CACNA1C: variants seen among roughly 807,000 people sequenced by gnomAD.
CACNA1C encodes calcium voltage-gated channel subunit alpha1 C.
CACNA1C carries 30 observed loss-of-function variants against 229.0 expected under a neutral mutation model. That is an observed-to-expected ratio of 0.13 (90% CI 0.10 to 0.18). The LOEUF (loss-of-function observed/expected upper bound fraction) is 0.18. Among genes scored for constraint, CACNA1C ranks in the 10% least tolerant of loss-of-function variants. The pLI is 1.00. For missense variants in CACNA1C, 1,658 were observed against 2,845.0 expected, an observed-to-expected ratio of 0.58 and a Z score of 9.49; for synonymous variants, 1,114 against 1,132.5, an observed-to-expected ratio of 0.98 and a Z score of 0.33.
chr12:2,210,475 G>A (rs1412810065), intron 3 of CACNA1C, among the ~76,000 whole-genome samples: 1 of 152,178 alleles, frequency 6.6e-6, no homozygotes, highest in African/African-American at 2.4e-5. Context: ...TCTTTCCTAG[G>A]AGGAAGCCTG....
intron 1 of CACNA1C, among the ~76,000 whole-genome samples, chr12:2,011,859 G>C (rs889722066): frequency 6.6e-6 from 1 of 152,214 alleles, no homozygotes; most frequent in Non-Finnish European, 1.5e-5. Context: ...CTTCCTGCCA[G>C]GGTGGATGGG....
At chr12:2,338,685 C>T (rs1012856441) in intron 3 of CACNA1C, among the ~76,000 whole-genome samples, 4 of 152,102 alleles carry the variant, frequency 2.6e-5, no homozygotes, top group African/African-American at 7.2e-5. Flanking sequence ...GAGCAGCGAG[C>T]GACCCGGTAT....
intron 3 of CACNA1C, among the ~76,000 whole-genome samples, chr12:2,158,630 T>A (rs1457688440): frequency 6.6e-6 from 1 of 152,210 alleles, no homozygotes; most frequent in Non-Finnish European, 1.5e-5. Flanking sequence ...GAAGGAGAAT[T>A]GCCCTCAAAG....
chr12:2,353,199 A>G (rs546179424), intron 3 of CACNA1C, among the ~76,000 whole-genome samples: 1 of 152,306 alleles, frequency 6.6e-6, no homozygotes, highest in South Asian at 2.1e-4. Flanking sequence ...AAGTGGCCTC[A>G]GGCTGAGTCT....
intron 9 of CACNA1C, among the ~76,000 whole-genome samples, chr12:2,545,927 C>T (rs1314795628): frequency 2.0e-5 from 3 of 152,278 alleles, no homozygotes; most frequent in African/African-American, 7.2e-5. Flanking sequence ...ACTTCCCGTT[C>T]CCCATGCAAT....
At chr12:2,460,900 T>C (rs2099496498) in intron 5 of CACNA1C, among the ~76,000 whole-genome samples, 1 of 152,212 alleles carries the variant, frequency 6.6e-6, no homozygotes, top group Non-Finnish European at 1.5e-5. Flanking sequence ...TGTGCAGCTT[T>C]TGAAACAGGG....
intron 3 of CACNA1C, chr12:2,221,491 G>A (rs1211623247): frequency 6.6e-6 from 1 of 152,252 alleles, no homozygotes; most frequent in African/African-American, 2.4e-5. Context: ...GTTGGGCAAG[G>A]AGGCCTCAAA....
At chr12:2,168,082 A>G (rs954722573) in intron 3 of CACNA1C, among the ~76,000 whole-genome samples, 17 of 152,140 alleles carry the variant, frequency 1.1e-4, no homozygotes, top group Non-Finnish European at 2.2e-4. Context: ...GTTTGTGTAC[A>G]TGTGTGCATG....
intron 3 of CACNA1C, among the ~76,000 whole-genome samples, chr12:2,163,372 G>T (rs1241305654): frequency 1.3e-5 from 2 of 152,138 alleles, no homozygotes; most frequent in African/African-American, 4.8e-5. Flanking sequence ...TGGGCACCAG[G>T]CCAGGTTCAT....
chr12:2,156,472 C>T (rs759894640), intron 3 of CACNA1C, among the ~76,000 whole-genome samples: 15 of 152,152 alleles, frequency 9.9e-5, no homozygotes, highest in African/African-American at 2.4e-5. Flanking sequence ...CATCACCCAC[C>T]GGTGTTTATT....
Position 2,004,532 on chromosome 12 carries a change from A to G in CACNA1C, c.139+33331A>G, listed in dbSNP as rs192147645. ...TCGCAACCGAGAACCCACGGCGACC[A>G]CACGGCCCGGGAGGCCTTCCGGCTC... is the stretch of plus-strand genomic sequence containing the variant. On this transcript the variant is annotated intron_variant, in intron 1 of 46. Coordinates refer to the CACNA1C transcript ENST00000682462. 618 of 1,493,992 alleles carry G rather than the reference A, an allele frequency of 4.1e-4. 5 individuals are homozygous for G. The African/African-American group carries it at 7.5e-3, about 18-fold the overall frequency. The allele number at this position is 1,493,992 out of a possible 1,614,324, so 92.5% of individuals were successfully genotyped here. A position where few individuals can be genotyped will look rare whatever the true frequency, so the allele number is the denominator to read the frequency against.
At chr12:2,050,794 C>T (rs757111656), upstream of CACNA1C, among the ~76,000 whole-genome samples, 3 of 152,172 alleles carry the variant, frequency 2.0e-5, no homozygotes, top group Non-Finnish European at 2.9e-5. Flanking sequence ...GCCAGAACCA[C>T]TGGACAAAGG....
At chr12:2,180,332 G>T (rs754701617) in intron 3 of CACNA1C, among the ~76,000 whole-genome samples, 1 of 152,242 alleles carries the variant, frequency 6.6e-6, no homozygotes, top group African/African-American at 2.4e-5. Flanking sequence ...TCTGGTTCTT[G>T]TTCCTCCCTG....
Position 2,677,948 on chromosome 12 carries a change from C to T in CACNA1C, c.5091+81C>T, listed in dbSNP as rs1298123641. 8 of 1,517,660 alleles carry T rather than the reference C, an allele frequency of 5.3e-6. No homozygotes were observed. The Admixed American group carries it at 6.8e-5, about 13-fold the overall frequency. The allele number at this position is 1,517,660 out of a possible 1,614,324, so 94.0% of individuals were successfully genotyped here. On this transcript the variant is annotated intron_variant, in intron 41 of 46. Coordinates refer to ENST00000399655, the MANE Select transcript of CACNA1C (RefSeq NM_000719.7). This position sits in a 1 kb window ranked among gnomAD's most constrained non-coding sequence, Gnocchi z 7.4. ...GGTTGGGCTGGGGTTTTGCGGGGAA[C>T]GTCCAGGGGAAGGAGCTGCACCAGA...
intron 3 of CACNA1C, among the ~76,000 whole-genome samples, chr12:2,209,034 G>A (rs1050980140): frequency 3.9e-5 from 6 of 152,154 alleles, no homozygotes; most frequent in East Asian, 1.9e-4. Context: ...GCAGAGCCCC[G>A]CGCCAGCTCT....
At chr12:2,143,707 A>G (rs922804675) in intron 3 of CACNA1C, among the ~76,000 whole-genome samples, 1 of 151,160 alleles carries the variant, frequency 6.6e-6, no homozygotes, top group Non-Finnish European at 1.5e-5. Flanking sequence ...CTCAGAATGT[A>G]TCCCTGTCAT....
intron 1 of CACNA1C, among the ~76,000 whole-genome samples, chr12:2,106,388 G>A (rs2078586216): frequency 1.5e-5 from 1 of 68,208 alleles, no homozygotes; most frequent in Non-Finnish European, 3.4e-5. Flanking sequence ...CCCCGGGGAG[G>A]GTTTCCACCT....
At chr12:2,018,719 C>T (rs1294839703) in intron 1 of CACNA1C, among the ~76,000 whole-genome samples, 1 of 152,182 alleles carries the variant, frequency 6.6e-6, no homozygotes, top group African/African-American at 2.4e-5. Flanking sequence ...TTCAGTTGGC[C>T]AGTACCTGGC....
chr12:2,304,076 G>A (rs1342324624), intron 3 of CACNA1C, among the ~76,000 whole-genome samples: 1 of 152,200 alleles, frequency 6.6e-6, no homozygotes, highest in Non-Finnish European at 1.5e-5. Flanking sequence ...TGTGCCCCAG[G>A]AGATACTTGG....
Sources: allele counts gnomAD v4.1 joint callset (sites outside exome capture counted in the v4.1 genomes callset), GRCh38; gene constraint gnomAD v4.1.1; non-coding constraint Gnocchi (gnomAD v3.1); transcripts MANE v1.5; gene names NCBI Gene and HGNC (gene_info 2026-07-23, HGNC 2026-07-21).